The following CNTNAP2 variants were observed in gnomAD, a reference collection of about 807,000 sequenced individuals.
CNTNAP2 encodes the protein contactin associated protein 2.
In CNTNAP2, 98 loss-of-function variants were observed where a neutral mutation model predicts 155.2. That is an observed-to-expected ratio of 0.63 (90% confidence interval 0.54 to 0.75). The LOEUF (loss-of-function observed/expected upper bound fraction) is 0.75, where lower values mean the gene tolerates loss of function less well. Ranked by LOEUF, CNTNAP2 falls within the 30% of genes least tolerant of loss-of-function variation. The pLI, the probability that CNTNAP2 is intolerant of heterozygous loss-of-function variation, is 0.00. For missense variants in CNTNAP2, 1,727 were observed against 1,688.1 expected, an observed-to-expected ratio of 1.02 and a Z score of -0.40; for synonymous variants, 651 against 631.2, an observed-to-expected ratio of 1.03 and a Z score of -0.47.
intron 21 of CNTNAP2, among the ~76,000 whole-genome samples, chr7:148,300,670 A>C (rs966114345): frequency 2.6e-5 from 4 of 152,206 alleles, no homozygotes; most frequent in Admixed American, 6.5e-5. Flanking sequence ...GGTGGAAAGA[A>C]CCAAGTGTCC....
chr7:146,177,637 A>G (rs1798488791), intron 1 of CNTNAP2, among the ~76,000 whole-genome samples: 1 of 152,232 alleles, frequency 6.6e-6, no homozygotes, highest in Non-Finnish European at 1.5e-5. Context: ...ATGTCAAGCT[A>G]TGAAAAAACA....
At chr7:146,390,805 G>A (rs975933651) in intron 1 of CNTNAP2, among the ~76,000 whole-genome samples, 3 of 137,586 alleles carry the variant, frequency 2.2e-5, no homozygotes, top group African/African-American at 5.3e-5. Context: ...GTGGTGGCTC[G>A]CGCCTGTAAT....
intron 1 of CNTNAP2, among the ~76,000 whole-genome samples, chr7:146,427,665 A>G (rs997582089): frequency 6.6e-6 from 1 of 152,210 alleles, no homozygotes; most frequent in African/African-American, 2.4e-5. Context: ...TCTTTTGCCT[A>G]TAGTTACATA....
chr7:146,560,005 AT>A (rs1486286996), intron 1 of CNTNAP2, among the ~76,000 whole-genome samples: 1 of 152,194 alleles, frequency 6.6e-6, no homozygotes, highest in African/African-American at 2.4e-5. Context: ...AAAATGAATA[AT>A]TATCTTTCAC....
intron 13 of CNTNAP2, among the ~76,000 whole-genome samples, chr7:147,642,342 A>C (rs1795292714): frequency 6.6e-6 from 1 of 152,176 alleles, no homozygotes; most frequent in Non-Finnish European, 1.5e-5. Context: ...TCTGGTAATT[A>C]AAAAACACAG....
At chr7:147,915,303 C>T (rs928092605) in intron 14 of CNTNAP2, among the ~76,000 whole-genome samples, 1 of 152,174 alleles carries the variant, frequency 6.6e-6, no homozygotes, top group Non-Finnish European at 1.5e-5. Flanking sequence ...TACCATTAGC[C>T]CTGTAACCAC....
At chr7:147,858,576 A>C (rs1172990042) in intron 13 of CNTNAP2, among the ~76,000 whole-genome samples, 1 of 152,192 alleles carries the variant, frequency 6.6e-6, no homozygotes, top group Non-Finnish European at 1.5e-5. Context: ...TAACTCCTGG[A>C]ATCTGTGAAT....
chr7:146,566,672 G>A (rs1000929245), intron 1 of CNTNAP2, among the ~76,000 whole-genome samples: 6 of 151,710 alleles, frequency 4.0e-5, no homozygotes, highest in Non-Finnish European at 7.4e-5. Flanking sequence ...ACTCCAGCCT[G>A]GGCGACAGAG....
At chr7:148,123,724 A>G (rs1804655926) in intron 16 of CNTNAP2, among the ~76,000 whole-genome samples, 1 of 147,010 alleles carries the variant, frequency 6.8e-6, no homozygotes, top group Admixed American at 6.6e-5. Context: ...AAGAAAGAAA[A>G]GAAAAAGGAA....
At chr7:147,059,995 T>G (rs761329917) in intron 4 of CNTNAP2, among the ~76,000 whole-genome samples, 6 of 152,192 alleles carry the variant, frequency 3.9e-5, no homozygotes, top group Admixed American at 1.3e-4. Context: ...GCTAAGTTCC[T>G]TATTTAAAAC....
At chr7:147,744,137 C>T (rs572274093) in intron 13 of CNTNAP2, among the ~76,000 whole-genome samples, 2 of 152,280 alleles carry the variant, frequency 1.3e-5, no homozygotes, top group South Asian at 4.1e-4. Flanking sequence ...TGATGATTAG[C>T]ATTTGATATC....
chr7:147,437,342 G>T (rs1797567240), intron 10 of CNTNAP2, among the ~76,000 whole-genome samples: 2 of 152,124 alleles, frequency 1.3e-5, no homozygotes, highest in South Asian at 4.1e-4. Context: ...AGTCCATCTA[G>T]CTAAACCCTG....
chr7:146,867,084 A>G (rs1283516441), intron 3 of CNTNAP2, among the ~76,000 whole-genome samples: 1 of 152,106 alleles, frequency 6.6e-6, no homozygotes, highest in Non-Finnish European at 1.5e-5. Context: ...CACGTGTCAC[A>G]GGGGTTTGCT....
chr7:148,341,638 C>T (rs1272865809), intron 21 of CNTNAP2, among the ~76,000 whole-genome samples: 1 of 152,126 alleles, frequency 6.6e-6, no homozygotes, highest in African/African-American at 2.4e-5. Flanking sequence ...CCCCTAAGCT[C>T]ATGGTCTTTC....
chr7:148,114,191 A>G (rs1020843485), intron 15 of CNTNAP2, among the ~76,000 whole-genome samples: 4 of 152,234 alleles, frequency 2.6e-5, no homozygotes, highest in Non-Finnish European at 4.4e-5. Flanking sequence ...AATGAAGTCT[A>G]TAGGGAGTTA....
At chr7:147,237,049 CTTTTTTTTTTTTTTTTTTTTTTTT>C (rs548220734) in intron 8 of CNTNAP2, among the ~76,000 whole-genome samples, 34 of 57,478 alleles carry the variant, frequency 5.9e-4, no homozygotes, top group African/African-American at 2.2e-3. Flanking sequence ...TTCACCTCCT[CTTTTTTTTTTTTTTTTTTTTTTTT>C]TTTTTTTTTT....
intron 13 of CNTNAP2, among the ~76,000 whole-genome samples, chr7:147,874,779 C>A (rs1799394296): frequency 6.6e-6 from 1 of 152,184 alleles, no homozygotes; most frequent in African/African-American, 2.4e-5. Context: ...ATTTTCCAAA[C>A]TTCTATGCTC....
chr7:148,106,518 AT>A (rs1804225161), intron 15 of CNTNAP2, among the ~76,000 whole-genome samples: 2 of 146,944 alleles, frequency 1.4e-5, no homozygotes, highest in Non-Finnish European at 3.0e-5. Flanking sequence ...ATATATATAT[AT>A]ACATATTTTT....
intron 13 of CNTNAP2, among the ~76,000 whole-genome samples, chr7:147,849,641 C>A (rs76519403): frequency 1.3e-5 from 2 of 152,204 alleles, no homozygotes; most frequent in African/African-American, 4.8e-5. Context: ...CTTCCTCCTG[C>A]CTGTTCTATT....
Sources: allele counts gnomAD v4.1 joint callset (sites outside exome capture counted in the v4.1 genomes callset), GRCh38; gene constraint gnomAD v4.1.1; transcripts MANE v1.5; gene names NCBI Gene and HGNC (gene_info 2026-07-23, HGNC 2026-07-21).